Variants in SPPL3 observed in about 807,000 individuals in gnomAD.
The protein encoded by SPPL3 is signal peptide peptidase-like 3.
A neutral mutation model predicts 42.4 loss-of-function variants in SPPL3; 5 were observed. That is an observed-to-expected ratio of 0.12 (90% confidence interval 0.06 to 0.25). SPPL3 has a LOEUF of 0.25. Ranked by LOEUF, SPPL3 falls within the 10% of genes least tolerant of loss-of-function variation. SPPL3 has a pLI of 1.00. For synonymous variants in SPPL3, 195 were observed against 181.8 expected, an observed-to-expected ratio of 1.07 and a Z score of -0.58; for missense variants, 235 against 489.0, an observed-to-expected ratio of 0.48 and a Z score of 4.90.
At chr12:120,809,703 G>A (rs1415423877) in intron 2 of SPPL3, among the ~76,000 whole-genome samples, 1 of 152,148 alleles carries the variant, frequency 6.6e-6, no homozygotes, top group Non-Finnish European at 1.5e-5. Flanking sequence ...TCCTATGGCT[G>A]CCTGCTGAGA....
intron 1 of SPPL3, among the ~76,000 whole-genome samples, chr12:120,837,842 C>T (rs1470407107): frequency 6.6e-6 from 1 of 151,932 alleles, no homozygotes; most frequent in African/African-American, 2.4e-5. Context: ...ACACACATGA[C>T]TAGTGCCTAA....
intron 1 of SPPL3, among the ~76,000 whole-genome samples, chr12:120,899,053 G>A (rs1209571203): frequency 6.6e-5 from 10 of 152,160 alleles, no homozygotes; most frequent in Non-Finnish European, 1.5e-4. Flanking sequence ...AGGAAGAAAG[G>A]TGTTTTTCTC....
chr12:120,803,566 A>T (rs1396807773), intron 2 of SPPL3, among the ~76,000 whole-genome samples: 5 of 152,208 alleles, frequency 3.3e-5, no homozygotes, highest in East Asian at 3.9e-4. Flanking sequence ...TTTAATTTAT[A>T]AAAAATTTTA....
intron 1 of SPPL3, among the ~76,000 whole-genome samples, chr12:120,874,474 TA>T (rs1347233352): frequency 7.8e-6 from 1 of 128,254 alleles, no homozygotes; most frequent in Admixed American, 7.7e-5. Flanking sequence ...AAAAAAAGAA[TA>T]AAAGAAATAA....
chr12:120,836,973 A>C (rs1209508047), intron 1 of SPPL3, among the ~76,000 whole-genome samples: 1 of 143,202 alleles, frequency 7.0e-6, no homozygotes, highest in Admixed American at 7.6e-5. Flanking sequence ...GGCAAAGAGC[A>C]CATGAGCTCT....
chr12:120,837,356 T>C (rs1218478015), intron 1 of SPPL3, among the ~76,000 whole-genome samples: 1 of 152,228 alleles, frequency 6.6e-6, no homozygotes, highest in South Asian at 2.1e-4. Flanking sequence ...TTTCCTCATA[T>C]TTTAACAACT....
chr12:120,785,913 GCA>G (rs1869706841), intron 3 of SPPL3, among the ~76,000 whole-genome samples: 4 of 76,834 alleles, frequency 5.2e-5, no homozygotes, highest in African/African-American at 1.2e-4. Context: ...GGAGTCCAAG[GCA>G]AAAAAAAAAA....
intron 1 of SPPL3, among the ~76,000 whole-genome samples, chr12:120,894,042 G>A (rs1051624947): frequency 2.0e-5 from 3 of 152,014 alleles, no homozygotes; most frequent in African/African-American, 4.8e-5. Context: ...GAGTGTAGGG[G>A]GCCGGGTGCA....
At chr12:120,868,671 G>A (rs952677414) in intron 1 of SPPL3, among the ~76,000 whole-genome samples, 6 of 151,920 alleles carry the variant, frequency 3.9e-5, no homozygotes, top group African/African-American at 1.5e-4. Context: ...TAGTAGAGAC[G>A]GGGTTTCACC....
At chr12:120,771,579 G>A (rs1447119987) in intron 6 of SPPL3, among the ~76,000 whole-genome samples, 1 of 151,632 alleles carries the variant, frequency 6.6e-6, no homozygotes, top group African/African-American at 2.4e-5. Context: ...CATTCTCACT[G>A]CCCTCAACTC....
chr12:120,893,344 G>T (rs1420685580), intron 1 of SPPL3, among the ~76,000 whole-genome samples: 1 of 152,012 alleles, frequency 6.6e-6, no homozygotes, highest in Non-Finnish European at 1.5e-5. Context: ...CAGCTACTTG[G>T]GAGGCTGAGG....
chr12:120,899,026 A>T (rs1873892018), intron 1 of SPPL3, among the ~76,000 whole-genome samples: 1 of 152,168 alleles, frequency 6.6e-6, no homozygotes, highest in African/African-American at 2.4e-5. Context: ...TTACACTAAA[A>T]CTGCTCATAA....
At chr12:120,828,624 T>A (rs1871299537) in intron 1 of SPPL3, among the ~76,000 whole-genome samples, 1 of 152,208 alleles carries the variant, frequency 6.6e-6, no homozygotes, top group Non-Finnish European at 1.5e-5. Flanking sequence ...ATTTAAACAC[T>A]TACTATAAAA....
intron 3 of SPPL3, 150 bp downstream of exon 3, chr12:120,791,319 C>T: frequency 1.8e-6 from 1 of 541,202 alleles, no homozygotes; most frequent in Non-Finnish European, 3.2e-6. Context: ...CAATTACATA[C>T]CGTAAAATTC....
chr12:120,765,148 AAT>A, intron 10 of SPPL3, 78 bp from the exon 11 acceptor site: 6 of 1,458,370 alleles, frequency 4.1e-6, no homozygotes, highest in Admixed American at 2.3e-5. Flanking sequence ...AAAAAAAAAA[AAT>A]TTTTTTTCCA....
At chr12:120,842,637 G>GT (rs1441235363) in intron 1 of SPPL3, among the ~76,000 whole-genome samples, 3 of 152,220 alleles carry the variant, frequency 2.0e-5, no homozygotes, top group African/African-American at 7.2e-5. Flanking sequence ...TCGATGGCAG[G>GT]TTCTCGGTGC....
chr12:120,788,587 A>G (rs921053599), intron 3 of SPPL3, among the ~76,000 whole-genome samples: 14 of 152,216 alleles, frequency 9.2e-5, no homozygotes, highest in African/African-American at 3.4e-4. Context: ...TATTCAAAGC[A>G]TGTAATCGTA....
chr12:120,796,205 G>A (rs970801732), intron 2 of SPPL3, among the ~76,000 whole-genome samples: 16 of 151,986 alleles, frequency 1.1e-4, no homozygotes, highest in Admixed American at 4.6e-4. Flanking sequence ...GTGAAACCCC[G>A]TCTCTACTGA....
intron 1 of SPPL3, chr12:120,845,186 C>T (rs1871978273): frequency 1.1e-5 from 5 of 456,750 alleles, no homozygotes; most frequent in Non-Finnish European, 2.2e-5. Flanking sequence ...GCACAGGTGG[C>T]CTGAATGTAC....
Sources: allele counts gnomAD v4.1 joint callset (sites outside exome capture counted in the v4.1 genomes callset), GRCh38; gene constraint gnomAD v4.1.1; transcripts MANE v1.5; gene names NCBI Gene and HGNC (gene_info 2026-07-23, HGNC 2026-07-21).